The following CCDC180 variants were observed in gnomAD, a reference collection of about 807,000 sequenced individuals.
The protein encoded by CCDC180 is coiled-coil domain-containing protein 180.
CCDC180 carries 154 observed loss-of-function variants against 209.2 expected under a neutral mutation model. The observed-to-expected ratio is 0.74, with a 90% CI of 0.65 to 0.84. The LOEUF is 0.84. Among genes scored for constraint, CCDC180 ranks in the 40% least tolerant of loss-of-function variants. CCDC180 has a pLI of 0.00. For synonymous variants in CCDC180, 778 were observed against 749.1 expected, an observed-to-expected ratio of 1.04 and a Z score of -0.63; for missense variants, 1,874 against 1,997.3, an observed-to-expected ratio of 0.94 and a Z score of 1.18.
In CCDC180 at chr9:97,361,815, C is replaced by A. The variant is rs1021799252; in HGVS notation, c.3573C>A (p.Thr1191=). ...AGGAGGCCAAGCTGGACGTGGTCAC[C>A]CCTGAGTCCTTCACCCAGCTGAGCC... is the stretch of plus-strand genomic sequence containing the variant. ...LEEEAKLDVV[T]PESFTQLSRV... is the part of the protein sequence containing the mutation. The change falls in exon 27 of 37, where the codon ACC becomes ACA. Residue 1191 remains threonine (T), a synonymous_variant. Coordinates refer to ENST00000529487, the MANE Select transcript of CCDC180 (RefSeq NM_020893.6). 6.2e-7 allele frequency: 1 copy of A among 1,614,196 alleles called. No individual in the cohort carries two copies. Among genetic ancestry groups the A allele is most frequent in the Non-Finnish European group, 8.5e-7 (1 of 1,180,032 alleles).
intron 34 of CCDC180, chr9:97,372,511 T>C (rs1251619069): frequency 6.6e-6 from 1 of 152,220 alleles, no homozygotes; most frequent in Non-Finnish European, 1.5e-5. Flanking sequence ...TCAAAAATGT[T>C]CACAGCACTG....
At chr9:97,327,591 T>C (rs1329425550) in intron 15 of CCDC180, among the ~76,000 whole-genome samples, 1 of 152,174 alleles carries the variant, frequency 6.6e-6, no homozygotes, top group Non-Finnish European at 1.5e-5. Flanking sequence ...TGCCAATTGA[T>C]TGCAGTACTT....
At chr9:97,367,466 A>ATTTT in intron 31 of CCDC180, among the ~76,000 whole-genome samples, 1 of 128,298 alleles carries the variant, frequency 7.8e-6, no homozygotes, top group African/African-American at 2.9e-5. Flanking sequence ...TCAGTTTTCT[A>ATTTT]TTTTTTTTTT....
intron 11 of CCDC180, among the ~76,000 whole-genome samples, chr9:97,321,956 G>A (rs1339831896): frequency 6.6e-6 from 1 of 152,206 alleles, no homozygotes; most frequent in African/African-American, 2.4e-5. Flanking sequence ...GCTGGACTCT[G>A]CTGGCCACGT....
At chr9:97,311,986 G>T (rs965986647) in intron 3 of CCDC180, 127 bp from the exon 4 acceptor site, 1 of 760,776 alleles carries the variant, frequency 1.3e-6, no homozygotes, top group Non-Finnish European at 2.3e-6. Flanking sequence ...TGGAATTGGG[G>T]TGTGCCTGGT....
chr9:97,342,463 A>G (rs142436147), intron 18 of CCDC180, among the ~76,000 whole-genome samples: 1,546 of 152,192 alleles, frequency 0.01, 27 homozygotes, highest in African/African-American at 0.034. Flanking sequence ...TATTTTTAGT[A>G]GAGACAGGGT....
chr9:97,371,758 T>A (rs1173757766), intron 34 of CCDC180, 52 bp downstream of exon 34: 2 of 1,231,876 alleles, frequency 1.6e-6, no homozygotes, highest in African/African-American at 2.9e-5. Context: ...TGGTGAGGGC[T>A]AGGTTGGGCA....
At chr9:97,322,796 C>T in intron 11 of CCDC180, 37 bp from the exon 12 acceptor site, 2 of 1,587,150 alleles carry the variant, frequency 1.3e-6, no homozygotes, top group Non-Finnish European at 1.7e-6. Flanking sequence ...TCTTCTCTTC[C>T]TTCTGGACTG....
chr9:97,334,874 T>G (rs1292783644), intron 18 of CCDC180, among the ~76,000 whole-genome samples: 1 of 152,142 alleles, frequency 6.6e-6, no homozygotes, highest in Non-Finnish European at 1.5e-5. Flanking sequence ...CTCTCTGTTG[T>G]CTTAGCAGCT....
chr9:97,327,614 C>G (rs1341279560), intron 15 of CCDC180, among the ~76,000 whole-genome samples: 2 of 152,126 alleles, frequency 1.3e-5, no homozygotes, highest in Non-Finnish European at 2.9e-5. Flanking sequence ...ATTCAGAAGG[C>G]AATTCTGATT....
chr9:97,371,736 G>A (rs776113458), intron 34 of CCDC180, 30 bp downstream of exon 34: 2 of 1,463,868 alleles, frequency 1.4e-6, no homozygotes, highest in Non-Finnish European at 1.9e-6. Flanking sequence ...TTGTGTCATG[G>A]CCCTGGGGGG....
Position 97,377,042 on chromosome 9 carries a change from G to T in CCDC180, c.*148G>T. The T allele has an allele frequency of 1.2e-6, 1 of 840,952 alleles. No homozygotes were observed. Among genetic ancestry groups the T allele is most frequent in the Non-Finnish European group, 1.7e-6 (1 of 574,618 alleles). The allele number at this position is 840,952 out of a possible 1,614,324, so 52.1% of individuals were successfully genotyped here. A position where few individuals can be genotyped will look rare whatever the true frequency, so the allele number is the denominator to read the frequency against. ...GCACTGTAGCTTTACCAGCGAACAG[G>T]ACACAGCATGGTCCCTGCCCACGTG... On this transcript the variant is annotated 3_prime_UTR_variant, in exon 37 of 37. Transcript: ENST00000529487.
rs1564178641 is a variant in CCDC180 at position 97,371,696 on chromosome 9, C to G, written c.4590C>G (p.Val1530=). ...ATGAGGTGGTCACCATTGACGATGTCCAGGTTGCAAGTAAGAGGCACCACC... is the reference window on the plus strand; with the variant it reads ...ATGAGGTGGTCACCATTGACGATGTGCAGGTTGCAAGTAAGAGGCACCACC... ...QLDEVVTIDD[V]QVARMEPPKQ... Residue 1530 remains valine, a synonymous_variant, in exon 34 of 37, where the codon GTC becomes GTG. Transcript: ENST00000529487. The G allele has an allele frequency of 1.3e-6, 2 of 1,591,640 alleles. No individual in the cohort carries two copies. The highest frequency in any genetic ancestry group is 1.7e-6 in the Non-Finnish European group (2 of 1,162,062).
intron 10 of CCDC180, 114 bp from the exon 11 acceptor site, chr9:97,320,012 C>T: frequency 2.5e-6 from 2 of 815,796 alleles, no homozygotes; most frequent in Non-Finnish European, 4.3e-6. Context: ...TCCCTTTGTT[C>T]TTCAGTGTTT....
intron 9 of CCDC180, 77 bp from the exon 10 acceptor site, chr9:97,318,386 C>A: frequency 6.4e-7 from 1 of 1,556,820 alleles, no homozygotes. Context: ...ATGCTGTCAC[C>A]ATGGTTCTCT....
In CCDC180 at chr9:97,366,372, C is replaced by G. The variant is rs937569508; in HGVS notation, c.4048-187C>G. On this transcript the variant is annotated intron_variant, in intron 30 of 36. Coordinates refer to ENST00000529487, the MANE Select transcript of CCDC180 (RefSeq NM_020893.6). This position sits in a 1 kb window ranked among gnomAD's most constrained non-coding sequence, Gnocchi z 4.3. Reference sequence around the variant, plus strand: ...AGGGCTGGCCATGGCTCCACTCACTCCAGGTGGGCCCAGGGAGGCGACACG... The same window carrying G: ...AGGGCTGGCCATGGCTCCACTCACTGCAGGTGGGCCCAGGGAGGCGACACG... 6.6e-6 allele frequency among the ~76,000 whole-genome samples: 1 copy of G among 152,168 alleles called. No individual in the cohort carries two copies. The highest frequency in any genetic ancestry group is 1.5e-5 in the Non-Finnish European group (1 of 68,028).
At position 97,347,341 on chromosome 9, in the gene CCDC180, T is replaced by C; in HGVS notation, c.2526T>C (p.Leu842=). Residue 842 remains leucine, a synonymous_variant, in exon 20 of 37, where the codon CTT becomes CTC. Transcript: ENST00000529487. The stretch of plus-strand genomic sequence containing the variant: ...TTCGAGCTGGCTTCTTCGAGCACCT[T>C]GAGAAGTGGTTTGACCAGTGTTCCC... ...KQLRAGFFEH[L]EKWFDQCSLN... The C allele has an allele frequency of 6.5e-7, 1 of 1,535,946 alleles. No individual in the cohort carries two copies. Among genetic ancestry groups the C allele is most frequent in the Non-Finnish European group, 8.7e-7 (1 of 1,146,816 alleles).
intron 31 of CCDC180, among the ~76,000 whole-genome samples, chr9:97,368,621 C>A (rs1218874070): frequency 2.0e-5 from 3 of 152,208 alleles, no homozygotes; most frequent in African/African-American, 7.2e-5. Flanking sequence ...TTAGATAATT[C>A]ACACTTATCT....
intron 34 of CCDC180, chr9:97,371,938 T>C (rs749536642): frequency 1.5e-5 from 5 of 336,542 alleles, no homozygotes; most frequent in Non-Finnish European, 2.7e-5. Context: ...TCCCATACTC[T>C]TGGGGTTAGG....
Sources: gnomAD v4.1 joint callset for allele counts (sites outside exome capture counted in the v4.1 genomes callset) on GRCh38, gnomAD v4.1.1 for gene constraint, Gnocchi (gnomAD v3.1) non-coding constraint, MANE v1.5 for transcripts, NCBI Gene and HGNC (gene_info 2026-07-23, HGNC 2026-07-21) for gene names.